The following GNA12 variants were observed in gnomAD, a reference collection of about 807,000 sequenced individuals.
GNA12 encodes the protein G protein subunit alpha 12, also known as guanine nucleotide-binding protein subunit alpha-12.
A neutral mutation model predicts 26.0 loss-of-function variants in GNA12; 9 were observed. The ratio of observed to expected loss-of-function variants is 0.35; its 90% CI spans 0.21 to 0.60. The LOEUF (loss-of-function observed/expected upper bound fraction) is 0.60, where lower values mean the gene tolerates loss of function less well. GNA12 is among the 20% of genes least tolerant of loss of function. The pLI, the probability that GNA12 is intolerant of heterozygous loss-of-function variation, is 0.78. For missense variants in GNA12, 405 were observed against 525.8 expected (o/e 0.77, Z 2.25); for synonymous variants, 264 against 219.6 (o/e 1.20, Z -1.79).
At chr7:2,824,277 C>T (rs1793432771) in intron 1 of GNA12, among the ~76,000 whole-genome samples, 1 of 152,186 alleles carries the variant, frequency 6.6e-6, no homozygotes, top group Non-Finnish European at 1.5e-5. Flanking sequence ...CAGAAATCCT[C>T]AGGGACAAAG....
At chr7:2,735,907 G>A (rs550568135) in intron 2 of GNA12, among the ~76,000 whole-genome samples, 2 of 152,166 alleles carry the variant, frequency 1.3e-5, no homozygotes, top group Non-Finnish European at 2.9e-5. Flanking sequence ...GGGAAGAAGG[G>A]GACACAGAGC....
intron 1 of GNA12, among the ~76,000 whole-genome samples, chr7:2,812,741 T>C (rs950101502): frequency 2.5e-4 from 34 of 135,922 alleles, no homozygotes; most frequent in African/African-American, 8.3e-4. Context: ...TCTACGATGG[T>C]GCTTCACCAG....
chr7:2,789,880 A>G (rs891894995), intron 2 of GNA12, among the ~76,000 whole-genome samples: 2 of 152,182 alleles, frequency 1.3e-5, no homozygotes, highest in African/African-American at 4.8e-5. Flanking sequence ...AAAGCCCAGG[A>G]AAGGGCAGAG....
intron 2 of GNA12, among the ~76,000 whole-genome samples, chr7:2,739,552 CTT>C (rs1790393798): frequency 6.6e-6 from 1 of 152,166 alleles, no homozygotes; most frequent in Admixed American, 6.5e-5. Context: ...TTGATGAACA[CTT>C]TGTTTCCAGT....
chr7:2,753,304 C>T (rs1412873337), intron 2 of GNA12, among the ~76,000 whole-genome samples: 1 of 152,130 alleles, frequency 6.6e-6, no homozygotes, highest in Non-Finnish European at 1.5e-5. Flanking sequence ...TAGGTGCATG[C>T]CACCACGATT....
chr7:2,803,436 G>C (rs770797623), intron 1 of GNA12, among the ~76,000 whole-genome samples: 3 of 152,226 alleles, frequency 2.0e-5, no homozygotes, highest in African/African-American at 4.8e-5. Context: ...GCAGGAGAGT[G>C]ATCAGGAGCC....
chr7:2,796,845 C>G (rs1341446906), intron 1 of GNA12, among the ~76,000 whole-genome samples: 1 of 152,216 alleles, frequency 6.6e-6, no homozygotes, highest in Non-Finnish European at 1.5e-5. Flanking sequence ...GCAAAAACAG[C>G]ACCCCCTGAG....
chr7:2,757,524 A>C (rs1489047836), intron 2 of GNA12, among the ~76,000 whole-genome samples: 1 of 152,174 alleles, frequency 6.6e-6, no homozygotes, highest in African/African-American at 2.4e-5. Context: ...GTGAGCTTGA[A>C]AAAGGATGAC....
At chr7:2,770,368 C>T (rs1373070039) in intron 2 of GNA12, among the ~76,000 whole-genome samples, 1 of 152,184 alleles carries the variant, frequency 6.6e-6, no homozygotes, top group Non-Finnish European at 1.5e-5. Flanking sequence ...TCAATAGCCT[C>T]TAGAACCATA....
At chr7:2,765,864 C>T (rs544469333) in intron 2 of GNA12, among the ~76,000 whole-genome samples, 1 of 149,550 alleles carries the variant, frequency 6.7e-6, no homozygotes, top group East Asian at 2.0e-4. Flanking sequence ...CTCCTGACCT[C>T]GTGATCCAGG....
At chr7:2,781,654 T>C (rs896182286) in intron 2 of GNA12, among the ~76,000 whole-genome samples, 1 of 152,168 alleles carries the variant, frequency 6.6e-6, no homozygotes, top group East Asian at 1.9e-4. Flanking sequence ...CTGTCTTTAC[T>C]GTATATTCTT....
At position 2,818,882 on chromosome 7, in the gene GNA12, A is replaced by C. The variant is rs535847933; in HGVS notation, c.310-23739T>G. Among the ~76,000 whole-genome samples the C allele has an allele frequency of 1.5e-3, 226 of 152,000 alleles. 3 individuals carry two copies. Among genetic ancestry groups the C allele is most frequent in the African/African-American group, 5.3e-3 (221 of 41,462 alleles). ...CTCTGACCAGCCTCACAACCCTTTC[A>C]TGGTCCCCTGTAACTAGAAGGCTGT... On this transcript the variant is annotated intron_variant, in intron 1 of 3. Coordinates refer to ENST00000275364, the MANE Select transcript of GNA12 (RefSeq NM_007353.3).
intron 1 of GNA12, among the ~76,000 whole-genome samples, chr7:2,815,715 C>CT (rs563154670): frequency 2.8e-4 from 43 of 152,364 alleles, no homozygotes; most frequent in African/African-American, 9.6e-4. Context: ...GAGCCTGGTG[C>CT]TCCCCGTGTG....
intron 1 of GNA12, among the ~76,000 whole-genome samples, chr7:2,833,054 C>T (rs1434743231): frequency 6.6e-6 from 1 of 152,216 alleles, no homozygotes; most frequent in African/African-American, 2.4e-5. Flanking sequence ...TAACCCATCA[C>T]ACGGTCAGCA....
chr7:2,794,635 A>T (rs1265913955), intron 2 of GNA12: 3 of 383,850 alleles, frequency 7.8e-6, no homozygotes, highest in South Asian at 3.0e-5. Context: ...CAAGATCTCT[A>T]AAAAAAACTA....
rs540098318 is a variant in GNA12, at chr7:2,813,786, C to T, written c.310-18643G>A. Among the ~76,000 whole-genome samples the T allele has an allele frequency of 7.2e-5, 11 of 152,222 alleles. No homozygotes were observed. In the South Asian group the frequency reaches 1.7e-3, roughly 23 times the overall value. On this transcript the variant is annotated intron_variant, in intron 1 of 3. Transcript: ENST00000275364. The stretch of plus-strand genomic sequence containing the variant: ...CCCCTTGTCCAGAAGGTGTGGACCA[C>T]GGAGATTGTGATGTTAATTTCACTG...
intron 1 of GNA12, among the ~76,000 whole-genome samples, chr7:2,801,639 TAAG>T: frequency 6.6e-6 from 1 of 152,264 alleles, no homozygotes; most frequent in Admixed American, 6.5e-5. Flanking sequence ...TTTGAACAGT[TAAG>T]TAGTAGTTTT....
At chr7:2,745,662 C>G (rs966158262) in intron 2 of GNA12, among the ~76,000 whole-genome samples, 3 of 152,186 alleles carry the variant, frequency 2.0e-5, no homozygotes, top group Non-Finnish European at 4.4e-5. Flanking sequence ...CAAATTCACA[C>G]ATAACAATAT....
chr7:2,778,236 T>G (rs1792128921), intron 2 of GNA12, among the ~76,000 whole-genome samples: 1 of 152,206 alleles, frequency 6.6e-6, no homozygotes, highest in South Asian at 2.1e-4. Context: ...CATAACAACT[T>G]AATAAATCAA....
Sources: gnomAD v4.1 joint callset for allele counts (sites outside exome capture counted in the v4.1 genomes callset) on GRCh38, gnomAD v4.1.1 for gene constraint, MANE v1.5 for transcripts, NCBI Gene and HGNC (gene_info 2026-07-23, HGNC 2026-07-21) for gene names.